Variants in NYAP2 observed in about 807,000 individuals in gnomAD.
The protein encoded by NYAP2 is neuronal tyrosine-phosphorylated phosphoinositide-3-kinase adaptor 2.
Under a neutral mutation model 50.4 loss-of-function variants are expected in NYAP2, and 23 were observed. That is an observed-to-expected ratio of 0.46 (90% CI 0.33 to 0.65). The LOEUF (loss-of-function observed/expected upper bound fraction) is 0.65, where lower values mean the gene tolerates loss of function less well. Among genes scored for constraint, NYAP2 ranks in the 30% least tolerant of loss-of-function variants. The probability of loss-of-function intolerance (pLI) is 0.02; values close to 1 mark genes in which losing one functional copy is unlikely to be tolerated. For missense variants in NYAP2, 885 were observed against 861.0 expected (o/e 1.03, Z -0.35); for synonymous variants, 394 against 365.2 (o/e 1.08, Z -0.90).
intron 3 of NYAP2, among the ~76,000 whole-genome samples, chr2:225,459,620 C>CTATTTATTTATT (rs546809089): frequency 1.8e-4 from 28 of 151,708 alleles, no homozygotes; most frequent in African/African-American, 5.8e-4. Context: ...ATTTTTTCCT[C>CTATTTATTTATT]TATTTATTTA....
intron 3 of NYAP2, among the ~76,000 whole-genome samples, chr2:225,469,880 T>A (rs920611366): frequency 2.0e-5 from 3 of 152,014 alleles, no homozygotes; most frequent in Non-Finnish European, 4.4e-5. Context: ...GGGATAGCAT[T>A]AGGAGAAATA....
At chr2:225,593,421 A>G (rs577209502) in intron 5 of NYAP2, among the ~76,000 whole-genome samples, 1 of 152,288 alleles carries the variant, frequency 6.6e-6, no homozygotes, top group East Asian at 1.9e-4. Context: ...CCTCCTTCTG[A>G]GACTTTCCTT....
At chr2:225,529,254 T>C (rs1691208583) in intron 4 of NYAP2, among the ~76,000 whole-genome samples, 1 of 152,092 alleles carries the variant, frequency 6.6e-6, no homozygotes, top group African/African-American at 2.4e-5. Flanking sequence ...CTAAAGGAAA[T>C]CGATGCCACC....
intron 5 of NYAP2, among the ~76,000 whole-genome samples, chr2:225,612,943 C>A (rs1692926038): frequency 8.9e-6 from 1 of 111,752 alleles, no homozygotes; most frequent in Non-Finnish European, 2.0e-5. Context: ...GTCAACAGGA[C>A]CCTAAGTTTT....
At chr2:225,589,516 A>AATAAATATATATAT (rs1692453327) in intron 5 of NYAP2, among the ~76,000 whole-genome samples, 1 of 71,356 alleles carries the variant, frequency 1.4e-5, no homozygotes, top group African/African-American at 5.5e-5. Context: ...CTAAAAGTAA[A>AATAAATATATATAT]ATATATATAT....
At chr2:225,434,585 A>T (rs1174438010) in intron 3 of NYAP2, among the ~76,000 whole-genome samples, 1 of 152,224 alleles carries the variant, frequency 6.6e-6, no homozygotes, top group South Asian at 2.1e-4. Context: ...TGGAACGTAT[A>T]GCATGAACTT....
chr2:225,403,884 C>G (rs1694900085), intron 2 of NYAP2, among the ~76,000 whole-genome samples: 1 of 151,898 alleles, frequency 6.6e-6, no homozygotes, highest in African/African-American at 2.4e-5. Flanking sequence ...CCTTATAGAG[C>G]TAGAGTGGTT....
the NYAP2 span, among the ~76,000 whole-genome samples, chr2:225,686,426 C>A: frequency 2.6e-5 from 4 of 152,100 alleles, no homozygotes; most frequent in Non-Finnish European, 5.9e-5. Flanking sequence ...TTCTCCCTGG[C>A]TTTTTCTCCT....
chr2:225,668,432 T>G, the NYAP2 span, among the ~76,000 whole-genome samples: 1 of 152,172 alleles, frequency 6.6e-6, no homozygotes, highest in Non-Finnish European at 1.5e-5. Context: ...ACTGAGGCCA[T>G]GGGGGCTGCC....
intron 4 of NYAP2, among the ~76,000 whole-genome samples, chr2:225,575,403 A>G (rs901105677): frequency 3.9e-5 from 6 of 152,204 alleles, no homozygotes; most frequent in African/African-American, 1.4e-4. Flanking sequence ...AGCAATGATT[A>G]TATTTGCTCA....
Position 225,558,513 on chromosome 2 carries a change from C to T in NYAP2, c.524-23428C>T, listed in dbSNP as rs577124580. Among the ~76,000 whole-genome samples the T allele has an allele frequency of 2.0e-5, 3 of 152,228 alleles. No homozygotes were observed. In the South Asian group the frequency reaches 6.2e-4, roughly 32 times the overall value. On this transcript the variant is annotated intron_variant, in intron 4 of 6. Coordinates refer to ENST00000636099, the Ensembl canonical transcript of NYAP2. Reference sequence around the variant, plus strand: ...GGTCACATTCTCATGTCGCATCTTGCTCACTCTGCTTCCACTGTCCTCTCT... The same window carrying T: ...GGTCACATTCTCATGTCGCATCTTGTTCACTCTGCTTCCACTGTCCTCTCT...
chr2:225,623,264 G>GA (rs752882579), intron 5 of NYAP2, among the ~76,000 whole-genome samples: 29 of 152,246 alleles, frequency 1.9e-4, no homozygotes, highest in Non-Finnish European at 1.5e-4. Context: ...CTTTATGGGG[G>GA]AAAAAATGTT....
intron 3 of NYAP2, among the ~76,000 whole-genome samples, chr2:225,439,789 A>ATTTATT (rs1466829450): frequency 2.6e-5 from 4 of 152,182 alleles, no homozygotes; most frequent in African/African-American, 7.2e-5. Flanking sequence ...AGATTGGGTA[A>ATTTATT]TTTATTTTTA....
At chr2:225,416,709 G>A (rs1695129015) in intron 3 of NYAP2, among the ~76,000 whole-genome samples, 1 of 151,954 alleles carries the variant, frequency 6.6e-6, no homozygotes, top group Admixed American at 6.6e-5. Context: ...TTATACTTTT[G>A]GTTGTTTTGA....
At chr2:225,414,020 G>C (rs751841127) in intron 3 of NYAP2, among the ~76,000 whole-genome samples, 1 of 152,156 alleles carries the variant, frequency 6.6e-6, no homozygotes, top group Non-Finnish European at 1.5e-5. Context: ...GTGCTGAAAT[G>C]CCTTTTGTGC....
At chr2:225,445,391 TA>T (rs1365165204) in intron 3 of NYAP2, among the ~76,000 whole-genome samples, 1 of 151,812 alleles carries the variant, frequency 6.6e-6, no homozygotes, top group Non-Finnish European at 1.5e-5. Flanking sequence ...CAATTGAACA[TA>T]AAAGTGGCTC....
intron 3 of NYAP2, among the ~76,000 whole-genome samples, chr2:225,443,332 A>G (rs1689500596): frequency 6.6e-6 from 1 of 152,224 alleles, no homozygotes. Flanking sequence ...TAGCAGAATG[A>G]CAACACCTAC....
At chr2:225,409,583 C>T (rs1441499525) in intron 3 of NYAP2, among the ~76,000 whole-genome samples, 1 of 151,976 alleles carries the variant, frequency 6.6e-6, no homozygotes, top group Non-Finnish European at 1.5e-5. Flanking sequence ...GGTGTGCTCT[C>T]CCTATGCAGA....
chr2:225,666,851 C>T, the NYAP2 span, among the ~76,000 whole-genome samples: 1 of 136,580 alleles, frequency 7.3e-6, no homozygotes, highest in Non-Finnish European at 1.5e-5. Context: ...CCTCCATGCC[C>T]CCCCACCCCC....
Sources: allele counts gnomAD v4.1 joint callset (sites outside exome capture counted in the v4.1 genomes callset), GRCh38; gene constraint gnomAD v4.1.1; transcripts MANE v1.5; gene names NCBI Gene and HGNC (gene_info 2026-07-23, HGNC 2026-07-21).